RORA: variants seen among roughly 807,000 people sequenced by gnomAD.
The protein encoded by RORA is nuclear receptor ROR-alpha.
Under a neutral mutation model 69.5 loss-of-function variants are expected in RORA, and 7 were observed. That is an observed-to-expected ratio of 0.10 (90% CI 0.06 to 0.19). RORA has a LOEUF of 0.19. Ranked by LOEUF, RORA falls within the 10% of genes least tolerant of loss-of-function variation. RORA has a pLI of 1.00. For missense variants in RORA, 457 were observed against 663.0 expected (o/e 0.69, Z 3.41); for synonymous variants, 261 against 240.8 (o/e 1.08, Z -0.78).
chr15:61,182,396 G>T (rs1023041070), intron 1 of RORA, among the ~76,000 whole-genome samples: 1 of 152,154 alleles, frequency 6.6e-6, no homozygotes, highest in Non-Finnish European at 1.5e-5. Flanking sequence ...ATGTGCGTTT[G>T]GAAAAATTGC....
At chr15:60,824,580 ATCT>A (rs2072933897) in intron 1 of RORA, among the ~76,000 whole-genome samples, 3 of 152,204 alleles carry the variant, frequency 2.0e-5, no homozygotes, top group East Asian at 3.8e-4. Flanking sequence ...TTCAAATCTC[ATCT>A]TCTGCCATTT....
intron 2 of RORA, among the ~76,000 whole-genome samples, chr15:60,602,913 T>C (rs1336769715): frequency 1.3e-5 from 2 of 152,182 alleles, no homozygotes; most frequent in Admixed American, 6.5e-5. Context: ...TCTCCCCCAA[T>C]ATTCCTCTGT....
At chr15:60,545,717 C>T (rs1421019189) in intron 2 of RORA, among the ~76,000 whole-genome samples, 2 of 152,150 alleles carry the variant, frequency 1.3e-5, no homozygotes, top group African/African-American at 4.8e-5. Flanking sequence ...CTGTTATTTT[C>T]CTTTCCTTCC....
chr15:61,104,847 G>A (rs1296637271), intron 1 of RORA, among the ~76,000 whole-genome samples: 3 of 152,104 alleles, frequency 2.0e-5, no homozygotes, highest in Admixed American at 6.5e-5. Flanking sequence ...GGGACCCATT[G>A]GGAGGTAATT....
At chr15:60,858,304 A>T (rs891442492) in intron 1 of RORA, among the ~76,000 whole-genome samples, 5 of 152,182 alleles carry the variant, frequency 3.3e-5, no homozygotes, top group Admixed American at 6.5e-5. Flanking sequence ...AGCTGTGTAC[A>T]CTTCTAAGCA....
chr15:60,666,346 C>CTTTT (rs1161494532), intron 2 of RORA, among the ~76,000 whole-genome samples: 66 of 132,396 alleles, frequency 5.0e-4, no homozygotes, highest in African/African-American at 1.6e-3. Context: ...TAATTTCTTT[C>CTTTT]TTTTTTTTTT....
At chr15:60,553,899 C>T (rs761151633) in intron 2 of RORA, among the ~76,000 whole-genome samples, 1 of 152,146 alleles carries the variant, frequency 6.6e-6, no homozygotes, top group African/African-American at 2.4e-5. Context: ...GTTTATTGCC[C>T]TTTGTTAAAA....
chr15:60,949,796 C>CA (rs1337540968), intron 1 of RORA, among the ~76,000 whole-genome samples: 4 of 152,182 alleles, frequency 2.6e-5, no homozygotes, highest in African/African-American at 9.7e-5. Context: ...TAAGTGAAAT[C>CA]AACTGATAAG....
chr15:60,615,883 C>T (rs340023), intron 2 of RORA, among the ~76,000 whole-genome samples: 55,189 of 151,918 alleles, frequency 0.36, 11,070 homozygotes, highest in East Asian at 0.64. Flanking sequence ...AATAACTCTG[C>T]TTTCTCACTC....
At chr15:60,643,968 A>G (rs2069990868) in intron 2 of RORA, among the ~76,000 whole-genome samples, 2 of 152,164 alleles carry the variant, frequency 1.3e-5, no homozygotes, top group Admixed American at 6.5e-5. Context: ...TAGTAACCAA[A>G]GTGACTTTGG....
At chr15:60,815,205 T>C (rs1441277592) in intron 1 of RORA, among the ~76,000 whole-genome samples, 1 of 152,160 alleles carries the variant, frequency 6.6e-6, no homozygotes, top group African/African-American at 2.4e-5. Context: ...ATGTCCTCCA[T>C]GGGCACAAAA....
At chr15:61,127,618 C>A (rs754204849) in intron 1 of RORA, among the ~76,000 whole-genome samples, 1 of 152,186 alleles carries the variant, frequency 6.6e-6, no homozygotes, top group African/African-American at 2.4e-5. Flanking sequence ...TCATGTCTGA[C>A]GATTCTGGAG....
intron 1 of RORA, among the ~76,000 whole-genome samples, chr15:60,859,911 T>C (rs999972086): frequency 2.0e-5 from 3 of 152,150 alleles, no homozygotes; most frequent in African/African-American, 7.2e-5. Context: ...TCCTCAGCCC[T>C]GCAGCCGATC....
At chr15:60,631,798 G>C (rs1275589372) in intron 2 of RORA, among the ~76,000 whole-genome samples, 1 of 152,226 alleles carries the variant, frequency 6.6e-6, no homozygotes, top group African/African-American at 2.4e-5. Context: ...TGGAGCTTCA[G>C]TGTGGGTTAG....
At chr15:60,611,166 G>A (rs2069075721) in intron 2 of RORA, among the ~76,000 whole-genome samples, 1 of 152,122 alleles carries the variant, frequency 6.6e-6, no homozygotes. Context: ...CTGCCAGGCT[G>A]GGTATTATTA....
intron 1 of RORA, among the ~76,000 whole-genome samples, chr15:61,048,105 C>T (rs1402281332): frequency 6.6e-6 from 1 of 152,196 alleles, no homozygotes; most frequent in Non-Finnish European, 1.5e-5. Context: ...AACTGTACAA[C>T]AGTTTCTGTG....
chr15:60,957,181 C>T (rs1412578300), intron 1 of RORA, among the ~76,000 whole-genome samples: 1 of 152,226 alleles, frequency 6.6e-6, no homozygotes, highest in Non-Finnish European at 1.5e-5. Context: ...TGATAAGTAA[C>T]TGTATTAGAA....
chr15:61,102,324 A>G (rs1472793004), intron 1 of RORA, among the ~76,000 whole-genome samples: 2 of 152,128 alleles, frequency 1.3e-5, no homozygotes, highest in African/African-American at 4.8e-5. Context: ...AGGCAGTGAA[A>G]TCTAATGTCT....
chr15:60,836,953 TG>T lies in RORA; in HGVS notation c.167-158268del, dbSNP rs58364968. Among the ~76,000 whole-genome samples the T allele has an allele frequency of 5.7e-3, 875 of 152,226 alleles. 7 individuals carry two copies. Among genetic ancestry groups the T allele is most frequent in the African/African-American group, 0.02 (846 of 41,532 alleles). On this transcript the variant is annotated intron_variant, in intron 1 of 10. Transcript: ENST00000335670. ...CAGCAATGCTTCTACATAGCAAATC[TG>T]ACCAGGGCCTTTCCCTGTTGAAAAA... is the stretch of plus-strand genomic sequence containing the variant.
Sources: allele counts gnomAD v4.1 joint callset (sites outside exome capture counted in the v4.1 genomes callset), GRCh38; gene constraint gnomAD v4.1.1; transcripts MANE v1.5; gene names NCBI Gene and HGNC (gene_info 2026-07-23, HGNC 2026-07-21).